The following ANO3 variants were observed in gnomAD, a reference collection of about 807,000 sequenced individuals.
The protein encoded by ANO3 is anoctamin-3.
In ANO3, 99 loss-of-function variants were observed where a neutral mutation model predicts 144.8. The ratio of observed to expected loss-of-function variants is 0.68; its 90% CI spans 0.58 to 0.81. ANO3 has a LOEUF of 0.81. Ranked by LOEUF, ANO3 falls within the 30% of genes least tolerant of loss-of-function variation. ANO3 has a pLI of 0.00. For synonymous variants in ANO3, 414 were observed against 392.6 expected, an observed-to-expected ratio of 1.05 and a Z score of -0.64; for missense variants, 905 against 1,202.2, an observed-to-expected ratio of 0.75 and a Z score of 3.66.
At chr11:26,363,302 C>A (rs1191704375) in intron 1 of ANO3, among the ~76,000 whole-genome samples, 1 of 152,094 alleles carries the variant, frequency 6.6e-6, no homozygotes, top group South Asian at 2.1e-4. Context: ...AGTCAGGGTT[C>A]TGGTTAGAGA....
intron 1 of ANO3, among the ~76,000 whole-genome samples, chr11:26,351,868 G>A (rs899414867): frequency 2.0e-5 from 3 of 152,128 alleles, no homozygotes; most frequent in Non-Finnish European, 4.4e-5. Flanking sequence ...TAGTTTGACC[G>A]CACTAATATC....
At chr11:26,532,009 C>A (rs1432117971) in intron 8 of ANO3, among the ~76,000 whole-genome samples, 1 of 152,036 alleles carries the variant, frequency 6.6e-6, no homozygotes, top group Non-Finnish European at 1.5e-5. Flanking sequence ...CTGGGGTAAA[C>A]ATAAAGATAG....
At chr11:26,286,544 A>G (rs188843012) in intron 1 of ANO3, among the ~76,000 whole-genome samples, 67 of 152,346 alleles carry the variant, frequency 4.4e-4, no homozygotes, top group Admixed American at 1.6e-3. Flanking sequence ...CAGTAATTTT[A>G]TAATCCATTT....
intron 5 of ANO3, among the ~76,000 whole-genome samples, chr11:26,514,727 G>C (rs1861797455): frequency 6.6e-6 from 1 of 152,024 alleles, no homozygotes; most frequent in Admixed American, 6.6e-5. Context: ...TCTTACCTAA[G>C]AACTTTTGTA....
intron 17 of ANO3, among the ~76,000 whole-genome samples, chr11:26,604,290 T>C (rs997388617): frequency 6.6e-6 from 1 of 152,214 alleles, no homozygotes; most frequent in African/African-American, 2.4e-5. Flanking sequence ...TTGATACTAG[T>C]ACCATGCTGT....
intron 17 of ANO3, among the ~76,000 whole-genome samples, chr11:26,602,029 T>A (rs1462692153): frequency 6.6e-6 from 1 of 152,114 alleles, no homozygotes; most frequent in African/African-American, 2.4e-5. Flanking sequence ...AAAAAGGTCA[T>A]CTATTGCACG....
At chr11:26,385,465 T>G (rs1856697960) in intron 1 of ANO3, among the ~76,000 whole-genome samples, 1 of 152,158 alleles carries the variant, frequency 6.6e-6, no homozygotes, top group South Asian at 2.1e-4. Flanking sequence ...TTCTGCAGGT[T>G]GTAGGGGAAA....
chr11:26,438,030 C>G (rs1858355159), intron 1 of ANO3, among the ~76,000 whole-genome samples: 1 of 146,696 alleles, frequency 6.8e-6, no homozygotes, highest in Non-Finnish European at 1.5e-5. Flanking sequence ...ATTCAACACA[C>G]TACTGAACAA....
chr11:26,630,890 A>C (rs1852755595), intron 18 of ANO3, among the ~76,000 whole-genome samples: 1 of 152,088 alleles, frequency 6.6e-6, no homozygotes, highest in Non-Finnish European at 1.5e-5. Flanking sequence ...ACAAAAGGCA[A>C]ATTTGTTATT....
intron 3 of ANO3, among the ~76,000 whole-genome samples, chr11:26,453,041 T>G (rs1268074022): frequency 1.3e-5 from 2 of 151,738 alleles, no homozygotes; most frequent in Non-Finnish European, 3.0e-5. Context: ...AGAGATTTTG[T>G]CACCACCAGG....
intron 13 of ANO3, chr11:26,558,885 C>T (rs932140043): frequency 2.0e-5 from 3 of 152,058 alleles, no homozygotes; most frequent in Non-Finnish European, 4.4e-5. Context: ...CCTCACCCTC[C>T]TGTGAGGACA....
chr11:26,459,219 G>A (rs904988576), intron 3 of ANO3, among the ~76,000 whole-genome samples: 1 of 152,042 alleles, frequency 6.6e-6, no homozygotes, highest in East Asian at 1.9e-4. Flanking sequence ...ATGCCCAGTG[G>A]GCTGTTGTAT....
Position 26,521,530 on chromosome 11 carries a change from C to G in ANO3, c.693-4105C>G, listed in dbSNP as rs562546712. Among the ~76,000 whole-genome samples, 7 of 152,192 alleles carry G rather than the reference C, an allele frequency of 4.6e-5. No homozygotes were observed. In the South Asian group the frequency reaches 1.5e-3, roughly 32 times the overall value. On this transcript the variant is annotated intron_variant, in intron 6 of 26. Coordinates refer to ENST00000256737, the MANE Select transcript of ANO3 (RefSeq NM_031418.4). Reference sequence around the variant, plus strand: ...ATTTTTCTAGCCACTACTTTCTTGACTTTTCTTTAAAGTAAATATGACCTA... The same window carrying G: ...ATTTTTCTAGCCACTACTTTCTTGAGTTTTCTTTAAAGTAAATATGACCTA...
At chr11:26,556,187 AC>A (rs1364558515) in intron 13 of ANO3, among the ~76,000 whole-genome samples, 2 of 152,192 alleles carry the variant, frequency 1.3e-5, no homozygotes, top group South Asian at 4.1e-4. Context: ...ATATTTGCAC[AC>A]ATTTAAATGC....
chr11:26,534,246 C>G (rs1313867505), intron 8 of ANO3, among the ~76,000 whole-genome samples: 2 of 152,176 alleles, frequency 1.3e-5, no homozygotes, highest in African/African-American at 4.8e-5. Flanking sequence ...AATAGGAACA[C>G]TTATAAACTG....
intron 1 of ANO3, among the ~76,000 whole-genome samples, chr11:26,203,754 T>C (rs1851743604): frequency 6.6e-6 from 1 of 152,158 alleles, no homozygotes; most frequent in African/African-American, 2.4e-5. Context: ...ATCTACTGTT[T>C]GTCATGTGCC....
chr11:26,470,415 CA>C (rs762277202), intron 4 of ANO3, among the ~76,000 whole-genome samples: 22 of 106,438 alleles, frequency 2.1e-4, no homozygotes, highest in East Asian at 2.9e-4. Flanking sequence ...GAGACCCTCT[CA>C]AAAAAAAAAC....
intron 3 of ANO3, among the ~76,000 whole-genome samples, chr11:26,453,229 A>G (rs1354570191): frequency 6.6e-6 from 1 of 152,108 alleles, no homozygotes; most frequent in East Asian, 1.9e-4. Context: ...ACACATAACA[A>G]TATTAACTTT....
At chr11:26,206,131 A>G (rs1220765022) in intron 1 of ANO3, among the ~76,000 whole-genome samples, 1 of 152,194 alleles carries the variant, frequency 6.6e-6, no homozygotes, top group Non-Finnish European at 1.5e-5. Context: ...AACTATTTAA[A>G]TACAGGTTTA....
Sources: allele counts gnomAD v4.1 joint callset (sites outside exome capture counted in the v4.1 genomes callset), GRCh38; gene constraint gnomAD v4.1.1; transcripts MANE v1.5; gene names NCBI Gene and HGNC (gene_info 2026-07-23, HGNC 2026-07-21).